Variants in PTPRD observed in about 807,000 individuals in gnomAD.
PTPRD encodes the protein protein tyrosine phosphatase receptor type D.
Under a neutral mutation model 214.5 loss-of-function variants are expected in PTPRD, and 34 were observed. That is an observed-to-expected ratio of 0.16 (90% CI 0.12 to 0.21). The LOEUF (loss-of-function observed/expected upper bound fraction) is 0.21, where lower values mean the gene tolerates loss of function less well. Among genes scored for constraint, PTPRD ranks in the 10% least tolerant of loss-of-function variants. The pLI is 1.00. For missense variants in PTPRD, 2,545 were observed against 2,398.7 expected, an observed-to-expected ratio of 1.06 and a Z score of -1.27; for synonymous variants, 1,128 against 845.7, an observed-to-expected ratio of 1.33 and a Z score of -5.79.
chr9:8,970,611 A>G (rs2099231843), intron 11 of PTPRD, among the ~76,000 whole-genome samples: 1 of 151,796 alleles, frequency 6.6e-6, no homozygotes. Flanking sequence ...GAGAAAAGAA[A>G]AAACCACTAA....
intron 2 of PTPRD, among the ~76,000 whole-genome samples, chr9:10,581,062 C>T (rs767452069): frequency 7.2e-5 from 11 of 152,200 alleles, no homozygotes; most frequent in East Asian, 1.9e-4. Context: ...TTCTCGGATG[C>T]GTAACCTTAT....
intron 14 of PTPRD, among the ~76,000 whole-genome samples, chr9:8,567,592 T>C (rs2089750410): frequency 6.6e-6 from 1 of 152,210 alleles, no homozygotes; most frequent in Admixed American, 6.5e-5. Context: ...CAGTGGCTGC[T>C]CAATATTTTA....
intron 3 of PTPRD, among the ~76,000 whole-genome samples, chr9:10,074,033 A>G (rs1398489358): frequency 6.6e-6 from 1 of 152,154 alleles, no homozygotes; most frequent in Non-Finnish European, 1.5e-5. Context: ...ATAATCACCA[A>G]ATAAATATGC....
chr9:9,339,565 G>C (rs1018857749), intron 9 of PTPRD, among the ~76,000 whole-genome samples: 1 of 152,120 alleles, frequency 6.6e-6, no homozygotes, highest in Non-Finnish European at 1.5e-5. Context: ...GCCTGGTATA[G>C]TCCTAACTCA....
chr9:8,644,098 T>C (rs1461518090), intron 12 of PTPRD, among the ~76,000 whole-genome samples: 3 of 152,132 alleles, frequency 2.0e-5, no homozygotes, highest in African/African-American at 7.2e-5. Flanking sequence ...GACAACCAGC[T>C]GCAAAAAGGC....
At chr9:9,058,442 G>GTTTTTTTCTT (rs2099700403) in intron 10 of PTPRD, among the ~76,000 whole-genome samples, 1 of 69,900 alleles carries the variant, frequency 1.4e-5, no homozygotes, top group Non-Finnish European at 2.6e-5. Flanking sequence ...TATTATGAGG[G>GTTTTTTTCTT]TTTTTTTTTT....
In PTPRD at chr9:8,948,448, TATATTTATATATATATTTAC is replaced by T. The variant is rs1319921051; in HGVS notation, c.-104+70229_-104+70248del. Among the ~76,000 whole-genome samples, 3 of 20,266 alleles carry T rather than the reference TATATTTATATATATATTTAC, an allele frequency of 1.5e-4. 1 individual carries two copies. The highest frequency in any genetic ancestry group is 3.2e-4 in the Non-Finnish European group (3 of 9,448). 13.3% of individuals were successfully genotyped at this position (20,266 alleles called of 152,430 possible). On this transcript the variant is annotated intron_variant, in intron 11 of 45. Transcript: ENST00000381196. The stretch of plus-strand genomic sequence containing the variant: ...ATTTATATATATATTTACATATATA[TATATTTATATATATATTTAC>T]ATATATATATATTTATATATATATT...
chr9:10,162,360 A>C (rs978089293), intron 3 of PTPRD, among the ~76,000 whole-genome samples: 2 of 151,542 alleles, frequency 1.3e-5, no homozygotes, highest in Non-Finnish European at 3.0e-5. Flanking sequence ...AATAATATTC[A>C]GCCATAAAAA....
intron 10 of PTPRD, among the ~76,000 whole-genome samples, chr9:9,096,613 G>T (rs1365630884): frequency 1.3e-5 from 2 of 151,966 alleles, no homozygotes; most frequent in African/African-American, 4.8e-5. Context: ...TAATTTCAAG[G>T]TTACATAGAG....
intron 9 of PTPRD, among the ~76,000 whole-genome samples, chr9:9,275,070 A>ATATAT (rs1255319496): frequency 1.7e-5 from 1 of 59,094 alleles, no homozygotes; most frequent in African/African-American, 5.6e-5. Flanking sequence ...TATATATTAT[A>ATATAT]TATATATATA....
intron 5 of PTPRD, among the ~76,000 whole-genome samples, chr9:9,835,543 C>T (rs1319951395): frequency 3.9e-5 from 6 of 152,066 alleles, no homozygotes; most frequent in African/African-American, 2.4e-5. Flanking sequence ...AAACTGGAGA[C>T]AAATGGGGTT....
intron 5 of PTPRD, among the ~76,000 whole-genome samples, chr9:9,931,321 C>G (rs1163565468): frequency 6.6e-6 from 1 of 152,330 alleles, no homozygotes; most frequent in East Asian, 1.9e-4. Context: ...GTACAGGGTT[C>G]ATCTCACTAG....
rs549083257 is a variant in PTPRD, at chr9:9,680,426, G to C, written c.-287+54107C>G. Reference sequence around the variant, plus strand: ...AAGAAAACATTTTCAAAAATTGCTAGAATTCTTTCTGGTACTTCTAGGTTT... The same window carrying C: ...AAGAAAACATTTTCAAAAATTGCTACAATTCTTTCTGGTACTTCTAGGTTT... On this transcript the variant is annotated intron_variant, in intron 7 of 45. Transcript: ENST00000381196. Among the ~76,000 whole-genome samples the C allele has an allele frequency of 1.2e-4, 18 of 151,934 alleles. No individual in the cohort carries two copies. In the South Asian group the frequency reaches 3.7e-3, roughly 31 times the overall value.
At chr9:8,827,212 T>G (rs2097193681) in intron 11 of PTPRD, among the ~76,000 whole-genome samples, 1 of 152,112 alleles carries the variant, frequency 6.6e-6, no homozygotes, top group Non-Finnish European at 1.5e-5. Flanking sequence ...TCACTGAGGG[T>G]AAGGACAACT....
At chr9:8,742,018 C>A (rs779005970) in intron 11 of PTPRD, among the ~76,000 whole-genome samples, 38 of 152,050 alleles carry the variant, frequency 2.5e-4, no homozygotes, top group Admixed American at 1.8e-3. Flanking sequence ...TCACCATAAG[C>A]CTAATTTATC....
intron 12 of PTPRD, among the ~76,000 whole-genome samples, chr9:8,653,554 A>G (rs983820107): frequency 1.3e-5 from 2 of 152,066 alleles, no homozygotes; most frequent in Non-Finnish European, 2.9e-5. Flanking sequence ...TCTGTTCTGA[A>G]TGGCTAAGCT....
At chr9:9,495,927 T>C (rs2096162676) in intron 8 of PTPRD, among the ~76,000 whole-genome samples, 1 of 152,162 alleles carries the variant, frequency 6.6e-6, no homozygotes, top group African/African-American at 2.4e-5. Flanking sequence ...TTGTGGGGCT[T>C]TGGGGTAGCA....
intron 7 of PTPRD, among the ~76,000 whole-genome samples, chr9:9,711,786 C>T (rs958147036): frequency 9.9e-5 from 15 of 152,052 alleles, no homozygotes; most frequent in Non-Finnish European, 1.0e-4. Context: ...GTGCAGAGAC[C>T]GAAAAACTCT....
At chr9:10,000,425 C>G (rs959139444) in intron 4 of PTPRD, among the ~76,000 whole-genome samples, 2 of 152,072 alleles carry the variant, frequency 1.3e-5, no homozygotes, top group African/African-American at 2.4e-5. Context: ...CCCACATGGA[C>G]AAGCCATTCT....
Sources: gnomAD v4.1 joint callset for allele counts (sites outside exome capture counted in the v4.1 genomes callset) on GRCh38, gnomAD v4.1.1 for gene constraint, MANE v1.5 for transcripts, NCBI Gene and HGNC (gene_info 2026-07-23, HGNC 2026-07-21) for gene names.